KCNT2: variants seen among roughly 807,000 people sequenced by gnomAD.
KCNT2 encodes potassium sodium-activated channel subfamily T member 2.
A neutral mutation model predicts 153.8 loss-of-function variants in KCNT2; 67 were observed. The observed-to-expected ratio is 0.44, with a 90% confidence interval of 0.36 to 0.53. The LOEUF is 0.53. Among genes scored for constraint, KCNT2 ranks in the 20% least tolerant of loss-of-function variants. The probability of loss-of-function intolerance (pLI) is 0.00; values close to 1 mark genes in which losing one functional copy is unlikely to be tolerated. For synonymous variants in KCNT2, 500 were observed against 458.8 expected, an observed-to-expected ratio of 1.09 and a Z score of -1.15; for missense variants, 975 against 1,354.8, an observed-to-expected ratio of 0.72 and a Z score of 4.40.
intron 25 of KCNT2, chr1:196,273,366 G>A: frequency 2.8e-6 from 2 of 716,420 alleles, no homozygotes; most frequent in Non-Finnish European, 4.6e-6. Context: ...TCATTTTAAT[G>A]TCTGAGTATT....
chr1:196,603,063 G>A (rs1389868503), intron 1 of KCNT2, among the ~76,000 whole-genome samples: 2 of 151,976 alleles, frequency 1.3e-5, no homozygotes, highest in Non-Finnish European at 2.9e-5. Context: ...TGGGATTACA[G>A]GCGTGAGCCA....
intron 1 of KCNT2, among the ~76,000 whole-genome samples, chr1:196,536,762 A>T (rs1220912181): frequency 1.3e-5 from 2 of 152,110 alleles, no homozygotes; most frequent in Admixed American, 6.5e-5. Context: ...CTATCCTGTC[A>T]CACTCTCACT....
chr1:196,560,537 T>C (rs1166537068), intron 1 of KCNT2, among the ~76,000 whole-genome samples: 1 of 151,906 alleles, frequency 6.6e-6, no homozygotes, highest in African/African-American at 2.4e-5. Context: ...TCCATTAATA[T>C]CTTTCTTAAG....
intron 22 of KCNT2, among the ~76,000 whole-genome samples, chr1:196,298,349 G>A (rs1660868015): frequency 6.6e-6 from 1 of 152,014 alleles, no homozygotes; most frequent in Non-Finnish European, 1.5e-5. Context: ...ACAAATTTGG[G>A]GCTTCCCATA....
At chr1:196,569,234 T>C (rs1660482785) in intron 1 of KCNT2, among the ~76,000 whole-genome samples, 1 of 152,176 alleles carries the variant, frequency 6.6e-6, no homozygotes, top group Non-Finnish European at 1.5e-5. Context: ...TAACTGCAAG[T>C]TCTAACTGCA....
At chr1:196,491,585 C>T (rs1679865313) in intron 2 of KCNT2, among the ~76,000 whole-genome samples, 1 of 151,952 alleles carries the variant, frequency 6.6e-6, no homozygotes, top group Non-Finnish European at 1.5e-5. Flanking sequence ...GCTTTTTAAA[C>T]ATATATGGCA....
intron 1 of KCNT2, among the ~76,000 whole-genome samples, chr1:196,544,564 G>A (rs10922082): frequency 0.3 from 45,316 of 151,810 alleles, 6,915 homozygotes; most frequent in Admixed American, 0.38. Context: ...TGTTTTACTC[G>A]TAAATGGGAT....
chr1:196,378,057 C>G (rs1174673102), intron 13 of KCNT2, among the ~76,000 whole-genome samples: 2 of 152,034 alleles, frequency 1.3e-5, no homozygotes, highest in African/African-American at 4.8e-5. Context: ...GAAATCCACT[C>G]GAATTTCAAC....
chr1:196,313,199 C>G (rs1377144106), intron 21 of KCNT2, among the ~76,000 whole-genome samples: 1 of 151,564 alleles, frequency 6.6e-6, no homozygotes, highest in Admixed American at 6.6e-5. Flanking sequence ...CGGTGGATGA[C>G]AGGTTCCAGT....
chr1:196,385,338 C>T (rs1669874080), intron 13 of KCNT2, among the ~76,000 whole-genome samples: 1 of 152,086 alleles, frequency 6.6e-6, no homozygotes, highest in South Asian at 2.1e-4. Context: ...GCAATTGTGA[C>T]ACAATGGTGA....
At chr1:196,605,718 A>G (rs1435362334) in intron 1 of KCNT2, among the ~76,000 whole-genome samples, 1 of 152,184 alleles carries the variant, frequency 6.6e-6, no homozygotes, top group African/African-American at 2.4e-5. Flanking sequence ...GCAAAGAGGA[A>G]TTTGTCACCA....
intron 1 of KCNT2, among the ~76,000 whole-genome samples, chr1:196,548,563 T>A (rs889222150): frequency 5.3e-5 from 8 of 151,988 alleles, no homozygotes; most frequent in Admixed American, 5.2e-4. Flanking sequence ...GGTGGGACTG[T>A]AAACTAGTTC....
At chr1:196,398,966 C>A (rs1390642046) in intron 12 of KCNT2, among the ~76,000 whole-genome samples, 2 of 151,486 alleles carry the variant, frequency 1.3e-5, no homozygotes, top group Non-Finnish European at 3.0e-5. Context: ...AGCTTTCAGA[C>A]ATGTAGCAAA....
chr1:196,267,894 C>T (rs1188082220), intron 25 of KCNT2, among the ~76,000 whole-genome samples: 1 of 152,142 alleles, frequency 6.6e-6, no homozygotes, highest in African/African-American at 2.4e-5. Flanking sequence ...TTGTCATATG[C>T]CATGGTACTT....
At chr1:196,294,569 C>T (rs1023899685) in intron 22 of KCNT2, among the ~76,000 whole-genome samples, 16 of 151,924 alleles carry the variant, frequency 1.1e-4, no homozygotes, top group Non-Finnish European at 2.2e-4. Flanking sequence ...CCACTGCGCC[C>T]GGCCAAGACA....
intron 18 of KCNT2, among the ~76,000 whole-genome samples, chr1:196,327,611 T>A (rs970449048): frequency 1.3e-5 from 2 of 151,836 alleles, no homozygotes; most frequent in African/African-American, 4.8e-5. Context: ...TTCTTATTTA[T>A]GTGGGTTGAG....
At chr1:196,292,207 G>A (rs951119264) in intron 22 of KCNT2, among the ~76,000 whole-genome samples, 14 of 152,154 alleles carry the variant, frequency 9.2e-5, no homozygotes, top group African/African-American at 7.2e-5. Flanking sequence ...TTTTACTGAG[G>A]ACACACTTAA....
At chr1:196,466,449 G>A (rs1020972457) in intron 7 of KCNT2, among the ~76,000 whole-genome samples, 4 of 151,814 alleles carry the variant, frequency 2.6e-5, no homozygotes, top group Admixed American at 6.6e-5. Flanking sequence ...ATACTAAAAC[G>A]TTATCCAAAT....
chr1:196,445,990 C>T (rs1318023586), intron 8 of KCNT2, among the ~76,000 whole-genome samples: 2 of 151,296 alleles, frequency 1.3e-5, no homozygotes, highest in African/African-American at 2.4e-5. Flanking sequence ...GTCAATGACA[C>T]ATTCTAAACT....
Sources: allele counts gnomAD v4.1 joint callset (sites outside exome capture counted in the v4.1 genomes callset), GRCh38; gene constraint gnomAD v4.1.1; transcripts MANE v1.5; gene names NCBI Gene and HGNC (gene_info 2026-07-23, HGNC 2026-07-21).